Variants in BCAR3 observed in about 807,000 individuals in gnomAD.
BCAR3 encodes the protein breast cancer anti-estrogen resistance protein 3.
A neutral mutation model predicts 80.1 loss-of-function variants in BCAR3; 37 were observed. The ratio of observed to expected loss-of-function variants is 0.46; its 90% CI spans 0.36 to 0.61. The LOEUF (loss-of-function observed/expected upper bound fraction) is 0.61. Ranked by LOEUF, BCAR3 falls within the 20% of genes least tolerant of loss-of-function variation. BCAR3 has a pLI of 0.00. For missense variants in BCAR3, 978 were observed against 1,068.2 expected (o/e 0.92, Z 1.18); for synonymous variants, 389 against 418.9 (o/e 0.93, Z 0.87).
intron 3 of BCAR3, among the ~76,000 whole-genome samples, chr1:93,597,822 C>A (rs1447156264): frequency 2.6e-5 from 4 of 152,176 alleles, no homozygotes; most frequent in Non-Finnish European, 5.9e-5. Flanking sequence ...AGGCTGCCTG[C>A]CACAAGTTTC....
Position 93,781,988 on chromosome 1 carries a change from C to T in BCAR3, c.-63+63579G>A, listed in dbSNP as rs151267121. 3.7e-3 allele frequency among the ~76,000 whole-genome samples: 556 copies of T among 152,256 alleles called. 3 individuals carry two copies. The highest frequency in any genetic ancestry group is 0.013 in the African/African-American group (529 of 41,540). ...TGCTGGAACCAAAAGGTGGGTTTTG[C>T]CCAAAGCCCTTACTGAGTGTCAAAG... On this transcript the variant is annotated intron_variant, in intron 2 of 13. Transcript: ENST00000370244.
At chr1:93,587,128 T>C (rs1176654187) in intron 5 of BCAR3, among the ~76,000 whole-genome samples, 2 of 152,226 alleles carry the variant, frequency 1.3e-5, no homozygotes, top group Non-Finnish European at 2.9e-5. Context: ...GCAAATCTTT[T>C]GCCCATTTTA....
chr1:93,657,728 C>CA (rs35976570), intron 2 of BCAR3, among the ~76,000 whole-genome samples: 204 of 130,014 alleles, frequency 1.6e-3, no homozygotes, highest in East Asian at 5.7e-3. Flanking sequence ...GTATGGCCCA[C>CA]AAAAAAAAAA....
intron 2 of BCAR3, among the ~76,000 whole-genome samples, chr1:93,765,641 AACACTTAACAT>A (rs2100733255): frequency 6.6e-6 from 1 of 151,856 alleles, no homozygotes; most frequent in African/African-American, 2.4e-5. Flanking sequence ...GTGTGGTAAG[AACACTTAACAT>A]AAGGTCTACC....
intron 2 of BCAR3, among the ~76,000 whole-genome samples, chr1:93,765,655 G>A (rs1652120367): frequency 6.6e-6 from 1 of 151,508 alleles, no homozygotes; most frequent in Admixed American, 6.6e-5. Context: ...CTTAACATAA[G>A]GTCTACCTTC....
At chr1:93,700,981 T>C (rs1441526559) in intron 3 of BCAR3, among the ~76,000 whole-genome samples, 1 of 152,216 alleles carries the variant, frequency 6.6e-6, no homozygotes, top group African/African-American at 2.4e-5. Context: ...GCAGATGGTG[T>C]GCTGTTAAAA....
intron 2 of BCAR3, among the ~76,000 whole-genome samples, chr1:93,820,165 G>C (rs999712625): frequency 2.0e-5 from 3 of 152,160 alleles, no homozygotes; most frequent in Non-Finnish European, 4.4e-5. Flanking sequence ...TGTGGAAATT[G>C]GTAAGAATAC....
chr1:93,751,407 T>A (rs936590739), intron 2 of BCAR3, among the ~76,000 whole-genome samples: 1 of 152,128 alleles, frequency 6.6e-6, no homozygotes, highest in Non-Finnish European at 1.5e-5. Context: ...CAATACCCTT[T>A]TTTCAAGAAA....
At chr1:93,611,630 T>A (rs148409604) in intron 3 of BCAR3, among the ~76,000 whole-genome samples, 345 of 152,282 alleles carry the variant, frequency 2.3e-3, no homozygotes, top group Non-Finnish European at 3.9e-3. Context: ...ATTTTCGGCC[T>A]CCCATTTAAT....
intron 3 of BCAR3, among the ~76,000 whole-genome samples, chr1:93,637,466 C>T (rs1190262500): frequency 6.6e-6 from 1 of 152,030 alleles, no homozygotes; most frequent in South Asian, 2.1e-4. Context: ...AGATAATATA[C>T]ATTTATATTT....
rs182550676 is a variant in BCAR3 at position 93,636,994 on chromosome 1, G to C, written c.357+5310C>G. ...TCTGTGGTCCCAGTTACCTGAGGGGGCTGAGGTGGGAGGATTGCTTGAGCC... is the reference window on the plus strand; with the variant it reads ...TCTGTGGTCCCAGTTACCTGAGGGGCCTGAGGTGGGAGGATTGCTTGAGCC... On this transcript the variant is annotated intron_variant, in intron 3 of 11. Transcript: ENST00000260502. Among the ~76,000 whole-genome samples the C allele has an allele frequency of 3.0e-3, 454 of 152,168 alleles. 5 individuals are homozygous for C. The highest frequency in any genetic ancestry group is 5.3e-3 in the Non-Finnish European group (360 of 67,988).
chr1:93,704,251 G>C (rs2101974987), intron 3 of BCAR3, among the ~76,000 whole-genome samples: 1 of 151,906 alleles, frequency 6.6e-6, no homozygotes, highest in African/African-American at 2.4e-5. Context: ...ACTCACTCTA[G>C]GGCAAAAGTC....
intron 2 of BCAR3, among the ~76,000 whole-genome samples, chr1:93,839,611 C>T (rs1654888027): frequency 6.6e-6 from 1 of 152,192 alleles, no homozygotes; most frequent in Non-Finnish European, 1.5e-5. Context: ...TTAGATTGGA[C>T]TGAATCTACA....
At chr1:93,824,164 T>TCTGGCCAACGTGGC (rs1553174717) in intron 2 of BCAR3, among the ~76,000 whole-genome samples, 1 of 134,050 alleles carries the variant, frequency 7.5e-6, no homozygotes, top group Non-Finnish European at 1.7e-5. Context: ...CTACCCCAGG[T>TCTGGCCAACGTGGC]CTGGCCAACG....
At chr1:93,832,874 C>T (rs974751597) in intron 2 of BCAR3, among the ~76,000 whole-genome samples, 1 of 152,138 alleles carries the variant, frequency 6.6e-6, no homozygotes, top group Non-Finnish European at 1.5e-5. Context: ...TACAGCCACA[C>T]CTCACTGCCA....
chr1:93,819,070 C>CT (rs768439524), intron 2 of BCAR3, among the ~76,000 whole-genome samples: 247 of 143,378 alleles, frequency 1.7e-3, no homozygotes, highest in East Asian at 2.6e-3. Context: ...GTGGGTTGTC[C>CT]TTTTTTTTTT....
intron 8 of BCAR3, 68 bp downstream of exon 8, chr1:93,575,946 A>G: frequency 7.0e-7 from 1 of 1,433,688 alleles, no homozygotes; most frequent in South Asian, 1.2e-5. Flanking sequence ...TCTTTGTTCT[A>G]AAACCTGCTG....
chr1:93,573,737 T>C (rs1324844093), intron 8 of BCAR3, among the ~76,000 whole-genome samples: 1 of 151,622 alleles, frequency 6.6e-6, no homozygotes, highest in Non-Finnish European at 1.5e-5. Context: ...CAAAGGATCC[T>C]CCTGCCTCAG....
Position 93,694,660 on chromosome 1 carries a change from A to T in BCAR3, c.-12+11432T>A, listed in dbSNP as rs189295475. Reference sequence around the variant, plus strand: ...AGTCACCTGATCATCAGAATCATGCACATCCCCTGGCTCCTGTCCCAGAGG... The same window carrying T: ...AGTCACCTGATCATCAGAATCATGCTCATCCCCTGGCTCCTGTCCCAGAGG... On this transcript the variant is annotated intron_variant, in intron 3 of 13. Coordinates refer to the BCAR3 transcript ENST00000370244. Among the ~76,000 whole-genome samples, 429 of 152,304 alleles carry T rather than the reference A, an allele frequency of 2.8e-3. 4 individuals carry two copies. Among genetic ancestry groups the T allele is most frequent in the African/African-American group, 0.01 (416 of 41,578 alleles).
Sources: gnomAD v4.1 joint callset for allele counts (sites outside exome capture counted in the v4.1 genomes callset) on GRCh38, gnomAD v4.1.1 for gene constraint, MANE v1.5 for transcripts, NCBI Gene and HGNC (gene_info 2026-07-23, HGNC 2026-07-21) for gene names.